PLK3: variants seen among roughly 807,000 people sequenced by gnomAD.
The protein encoded by PLK3 is polo like kinase 3, also known as serine/threonine-protein kinase PLK3.
Under a neutral mutation model 71.6 loss-of-function variants are expected in PLK3, and 41 were observed. The ratio of observed to expected loss-of-function variants is 0.57; its 90% confidence interval spans 0.45 to 0.74. The LOEUF is 0.74. Among genes scored for constraint, PLK3 ranks in the 30% least tolerant of loss-of-function variants. The probability of loss-of-function intolerance (pLI) is 0.00; values close to 1 mark genes in which losing one functional copy is unlikely to be tolerated. For synonymous variants in PLK3, 366 were observed against 355.4 expected (o/e 1.03, Z -0.33); for missense variants, 791 against 875.6 (o/e 0.90, Z 1.22).
At chr1:44,802,663 C>A in intron 5 of PLK3, 97 bp from the exon 6 acceptor site, 1 of 839,564 alleles carries the variant, frequency 1.2e-6, no homozygotes. Flanking sequence ...CCTTTGGTGA[C>A]AGGCAGCTGC....
rs968028040 is a variant in PLK3 at position 44,802,019 on chromosome 1, G to A, written c.653+87G>A. On this transcript the variant is annotated intron_variant, in intron 5 of 14. Coordinates refer to ENST00000372201, the MANE Select transcript of PLK3 (RefSeq NM_004073.4). ...TATGTATGTGGGAGGCAAGGTGACT[G>A]CCTGATGTGTGCATGAGATAAATGG... is the stretch of plus-strand genomic sequence containing the variant. 5 of 976,918 alleles carry A rather than the reference G, an allele frequency of 5.1e-6. No individual in the cohort carries two copies. The African/African-American group carries it at 6.5e-5, about 13-fold the overall frequency. 60.5% of individuals were successfully genotyped at this position (976,918 alleles called of 1,614,324 possible). A position where few individuals can be genotyped will look rare whatever the true frequency, so the allele number is the denominator to read the frequency against.
chr1:44,804,973 C>T (rs1156807102), intron 13 of PLK3, 194 bp downstream of exon 13: 11 of 601,438 alleles, frequency 1.8e-5, no homozygotes, highest in African/African-American at 3.7e-5. Flanking sequence ...GGCGTGGTGG[C>T]GGGCGCCTGT....
chr1:44,803,944 C>G lies in PLK3; in HGVS notation c.1178C>G (p.Ser393Cys). 1 of 1,551,260 alleles carries G rather than the reference C, an allele frequency of 6.4e-7. No homozygotes were observed. The highest frequency in any genetic ancestry group is 8.7e-7 in the Non-Finnish European group (1 of 1,146,624). Residue 393 changes from serine to cysteine, a missense_variant, in exon 10 of 15, where the codon TCT (serine) becomes TGT (cysteine). By Grantham distance (112) the Ser-to-Cys change is moderately radical. Coordinates refer to ENST00000372201, the MANE Select transcript of PLK3 (RefSeq NM_004073.4). The surrounding 1 kb of genome is among the most constrained non-coding windows in gnomAD (Gnocchi z 4.3). ...QDARPEAPAASGPAPVSLVET... is the reference protein window; with the variant it reads ...QDARPEAPAACGPAPVSLVET... ...CCAACCCTCCAGGCTCCAGCAGCTT[C>G]TGGCCCAGCCCCTGTCAGCCTGGTA...
At position 44,804,334 on chromosome 1, in the gene PLK3, G is replaced by A. The variant is rs1487787008; in HGVS notation, c.1343-5G>A. 1 of 1,614,038 alleles carries A rather than the reference G, an allele frequency of 6.2e-7. No individual in the cohort carries two copies. Reference sequence around the variant, plus strand: ...AGGTGCTGACTCCCTCCTCTCCCATGACAGCGGAACAGAACCCGGCCCCCC... The same window carrying A: ...AGGTGCTGACTCCCTCCTCTCCCATAACAGCGGAACAGAACCCGGCCCCCC... On this transcript the variant is annotated splice_region_variant and splice_polypyrimidine_tract_variant and intron_variant, in intron 11 of 14. Transcript: ENST00000372201.
Position 44,800,804 on chromosome 1 carries a change from C to G in PLK3, c.211-36C>G, listed in dbSNP as rs778013227. On this transcript the variant is annotated intron_variant, in intron 1 of 14. Transcript: ENST00000372201. The surrounding 1 kb of genome is among the most constrained non-coding windows in gnomAD (Gnocchi z 6.5). The stretch of plus-strand genomic sequence containing the variant: ...GACGCCCGCGGGCCAGACTCGGCCC[C>G]CCTGGAACAACCAGCCTGATGCCCC... 3.1e-6 allele frequency: 5 copies of G among 1,588,060 alleles called. No homozygotes were observed.
At chr1:44,805,423 G>C in intron 14 of PLK3, 44 bp downstream of exon 14, 1 of 1,608,420 alleles carries the variant, frequency 6.2e-7, no homozygotes, top group Non-Finnish European at 8.5e-7. Context: ...GGGAGGCCCA[G>C]GGTGCTGGGG....
chr1:44,803,082 G>T lies in PLK3; in HGVS notation c.877G>T (p.Ala293Ser), dbSNP rs200670234. The change falls in exon 7 of 15, where the codon GCC becomes TCC. Residue 293 changes from alanine (A) to serine (S), a missense_variant. Coordinates refer to ENST00000372201, the MANE Select transcript of PLK3 (RefSeq NM_004073.4). This position sits in a 1 kb window ranked among gnomAD's most constrained non-coding sequence, Gnocchi z 4.3. The stretch of plus-strand genomic sequence containing the variant: ...ACTGCCTGCCCGGCAGCTCCTGGCC[G>T]CCATCCTTCGGGCCTCACCCCGAGA... ...LSLPARQLLAAILRASPRDRP... is the reference protein window; with the variant it reads ...LSLPARQLLASILRASPRDRP... 338 of 1,613,674 alleles carry T rather than the reference G, an allele frequency of 2.1e-4. No individual in the cohort carries two copies. Among genetic ancestry groups the T allele is most frequent in the Non-Finnish European group, 2.8e-4 (327 of 1,179,984 alleles).
In PLK3 at chr1:44,800,715, G is replaced by A; in HGVS notation, c.210+42G>A. 6.5e-7 allele frequency: 1 copy of A among 1,540,472 alleles called. No individual in the cohort carries two copies. Among genetic ancestry groups the A allele is most frequent in the Non-Finnish European group, 8.7e-7 (1 of 1,145,966 alleles). On this transcript the variant is annotated intron_variant, in intron 1 of 14. Coordinates refer to ENST00000372201, the MANE Select transcript of PLK3 (RefSeq NM_004073.4). The surrounding 1 kb of genome is among the most constrained non-coding windows in gnomAD (Gnocchi z 6.5). ...CCGCGGGGTGGTGATGGTGGAGGTGGGGGTCCCGGCCGGCCTCTTTTCTGG... is the reference window on the plus strand; with the variant it reads ...CCGCGGGGTGGTGATGGTGGAGGTGAGGGTCCCGGCCGGCCTCTTTTCTGG...
In PLK3 at chr1:44,800,617, C is replaced by T; in HGVS notation, c.154C>T (p.Leu52Phe). 1 of 1,541,218 alleles carries T rather than the reference C, an allele frequency of 6.5e-7. No homozygotes were observed. Among genetic ancestry groups the T allele is most frequent in the Non-Finnish European group, 8.7e-7 (1 of 1,146,832 alleles). ...GCTACCGACGTCAGACCCCGGGCGC[C>T]TCATCACGGACCCGCGCAGCGGCCG... ...AGLPTSDPGR[L>F]ITDPRSGRTY... Residue 52 changes from leucine to phenylalanine, a missense_variant, in exon 1 of 15, where the codon CTC (leucine) becomes TTC (phenylalanine). By Grantham distance (22) the Leu-to-Phe change is conservative. Transcript: ENST00000372201. This position sits in a 1 kb window ranked among gnomAD's most constrained non-coding sequence, Gnocchi z 6.5.
chr1:44,804,786 G>A lies in PLK3; in HGVS notation c.1635+7G>A. On this transcript the variant is annotated splice_region_variant and intron_variant, in intron 13 of 14. Coordinates refer to ENST00000372201, the MANE Select transcript of PLK3 (RefSeq NM_004073.4). ...GGAGCAGCACCTCATGAAGGTGTGA[G>A]GGCTGGGGCTGTGGTACATTGAAAC... 1 of 1,613,462 alleles carries A rather than the reference G, an allele frequency of 6.2e-7. No individual in the cohort carries two copies. The highest frequency in any genetic ancestry group is 8.5e-7 in the Non-Finnish European group (1 of 1,179,580).
At chr1:44,804,271 T>A in intron 11 of PLK3, 25 bp downstream of exon 11, 1 of 1,613,204 alleles carries the variant, frequency 6.2e-7, no homozygotes. Flanking sequence ...TGGTACATGC[T>A]GCTGTGGTGG....
rs1414140635 is a variant in PLK3, at chr1:44,801,125, C to T, written c.408C>T (p.Tyr136=). The T allele has an allele frequency of 1.2e-6, 2 of 1,606,766 alleles. No homozygotes were observed. Among genetic ancestry groups the T allele is most frequent in the South Asian group, 1.1e-5 (1 of 90,986 alleles). The change falls in exon 3 of 15, where the codon TAC becomes TAT. Residue 136 remains tyrosine, a synonymous_variant. Coordinates refer to ENST00000372201, the MANE Select transcript of PLK3 (RefSeq NM_004073.4). The part of the protein sequence containing the change: ...SHHFEDADNI[Y]IFLELCSRKS... ...ACTTTGAGGACGCTGACAACATCTA[C>T]ATTTTCTTGGAGCTCTGCAGCCGAA... is the stretch of plus-strand genomic sequence containing the variant.
At position 44,804,370 on chromosome 1, in the gene PLK3, A is replaced by G; in HGVS notation, c.1374A>G (p.Pro458=). 6.2e-7 allele frequency: 1 copy of G among 1,614,138 alleles called. No individual in the cohort carries two copies. Among genetic ancestry groups the G allele is most frequent in the Non-Finnish European group, 8.5e-7 (1 of 1,179,998 alleles). The part of the protein sequence containing the change: ...AEQNPAPLAQ[P]EPLVWVSKWV... ...AGAACCCGGCCCCCCTGGCCCAGCC[A>G]GAGCCTCTGGTGTGGGTCAGCAAGT... The change falls in exon 12 of 15, where the codon CCA becomes CCG. Residue 458 remains proline, a synonymous_variant. Transcript: ENST00000372201.
chr1:44,804,858 C>G, intron 13 of PLK3, 79 bp downstream of exon 13: 1 of 1,438,952 alleles, frequency 6.9e-7, no homozygotes, highest in Non-Finnish European at 9.6e-7. Context: ...GTAATCCCAG[C>G]ACTTTGGGAG....
Position 44,800,801 on chromosome 1 carries a change from C to A in PLK3, c.211-39C>A. 2 of 1,578,558 alleles carry A rather than the reference C, an allele frequency of 1.3e-6. No individual in the cohort carries two copies. The highest frequency in any genetic ancestry group is 1.1e-5 in the South Asian group (1 of 88,276). ...GGGGACGCCCGCGGGCCAGACTCGG[C>A]CCCCCTGGAACAACCAGCCTGATGC... On this transcript the variant is annotated intron_variant, in intron 1 of 14. Transcript: ENST00000372201. This position sits in a 1 kb window ranked among gnomAD's most constrained non-coding sequence, Gnocchi z 6.5.
chr1:44,802,359 T>G (rs1310921089), intron 5 of PLK3, among the ~76,000 whole-genome samples: 1 of 152,120 alleles, frequency 6.6e-6, no homozygotes, highest in East Asian at 1.9e-4. Context: ...GTGACACAGA[T>G]AGCGTATGTG....
Position 44,804,364 on chromosome 1 carries a change from C to T in PLK3, c.1368C>T (p.Ala456=), listed in dbSNP as rs1291353995. ...PPAEQNPAPL[A]QPEPLVWVSK... ...CGGAACAGAACCCGGCCCCCCTGGC[C>T]CAGCCAGAGCCTCTGGTGTGGGTCA... Residue 456 remains alanine (A), a synonymous_variant, in exon 12 of 15, where the codon GCC becomes GCT. Coordinates refer to ENST00000372201, the MANE Select transcript of PLK3 (RefSeq NM_004073.4). The T allele has an allele frequency of 1.2e-6, 2 of 1,614,168 alleles. No homozygotes were observed. Among genetic ancestry groups the T allele is most frequent in the Admixed American group, 1.7e-5 (1 of 60,020 alleles).
intron 10 of PLK3, 55 bp downstream of exon 10, chr1:44,804,079 G>T: frequency 6.5e-7 from 1 of 1,545,304 alleles, no homozygotes; most frequent in Admixed American, 1.7e-5. Flanking sequence ...TGAGATCAGG[G>T]GCGAGAGGGA....
In PLK3 at chr1:44,800,386, C is replaced by T; in HGVS notation, c.-78C>T. 3 of 1,228,388 alleles carry T rather than the reference C, an allele frequency of 2.4e-6. No individual in the cohort carries two copies. The South Asian group carries it at 8.6e-5, about 35-fold the overall frequency. The allele number at this position is 1,228,388 out of a possible 1,614,324, so 76.1% of individuals were successfully genotyped here. ...TCCCCTGGGCGCCAGCGCAGCGTAG[C>T]AAATCCAGGCAGCGCCACGCGCGGC... On this transcript the variant is annotated 5_prime_UTR_variant, in exon 1 of 15. Transcript: ENST00000372201. The surrounding 1 kb of genome is among the most constrained non-coding windows in gnomAD (Gnocchi z 6.5).
Sources: allele counts gnomAD v4.1 joint callset (sites outside exome capture counted in the v4.1 genomes callset), GRCh38; gene constraint gnomAD v4.1.1; non-coding constraint Gnocchi (gnomAD v3.1); transcripts MANE v1.5; gene names NCBI Gene and HGNC (gene_info 2026-07-23, HGNC 2026-07-21).